DUXB: variants seen among roughly 807,000 people sequenced by gnomAD.
DUXB encodes the protein double homeobox B.
Under a neutral mutation model 8.9 loss-of-function variants are expected in DUXB, and 22 were observed. The observed-to-expected ratio is 2.46, with a 90% confidence interval of 1.76 to 3.52. DUXB has a LOEUF of 3.52. DUXB is among the 30% of genes most tolerant of loss of function. The probability of loss-of-function intolerance (pLI) is 0.00; values close to 1 mark genes in which losing one functional copy is unlikely to be tolerated. For synonymous variants in DUXB, 84 were observed against 37.6 expected, an observed-to-expected ratio of 2.23 and a Z score of -4.52; for missense variants, 237 against 108.7, an observed-to-expected ratio of 2.18 and a Z score of -5.25.
chr16:75,696,525 A>T (rs998884184), intron 3 of DUXB, among the ~76,000 whole-genome samples: 1 of 152,204 alleles, frequency 6.6e-6, no homozygotes, highest in Non-Finnish European at 1.5e-5. Context: ...CACTTCAGGC[A>T]ACAGAGTGAG....
intron 4 of DUXB, among the ~76,000 whole-genome samples, 157 bp from the exon 5 acceptor site, chr16:75,694,682 C>A (rs1027237022): frequency 1.3e-5 from 2 of 152,074 alleles, no homozygotes; most frequent in African/African-American, 2.4e-5. Context: ...CATCTGTATA[C>A]CCTGATTCAA....
At chr16:75,699,945 A>C in intron 2 of DUXB, 70 bp downstream of exon 2, 1 of 583,858 alleles carries the variant, frequency 1.7e-6, no homozygotes, top group Non-Finnish European at 3.0e-6. Context: ...AGAATTGGCA[A>C]AAGCGCTGGG....
chr16:75,699,121 C>G (rs1959197756), intron 2 of DUXB, among the ~76,000 whole-genome samples: 1 of 152,186 alleles, frequency 6.6e-6, no homozygotes, highest in Non-Finnish European at 1.5e-5. Context: ...GTTGGGATTA[C>G]AGGTGTGGGT....
chr16:75,694,702 G>A (rs989639204), intron 4 of DUXB, among the ~76,000 whole-genome samples, 177 bp from the exon 5 acceptor site: 1 of 152,054 alleles, frequency 6.6e-6, no homozygotes, highest in African/African-American at 2.4e-5. Context: ...AACAACCATG[G>A]ATTGAAAATA....
chr16:75,696,617 T>G (rs1002018632), intron 3 of DUXB, among the ~76,000 whole-genome samples: 1 of 152,120 alleles, frequency 6.6e-6, no homozygotes, highest in Non-Finnish European at 1.5e-5. Flanking sequence ...CCTGACTGTC[T>G]CATTCAATTG....
In DUXB at chr16:75,694,348, G is replaced by A; in HGVS notation, c.619C>T (p.His207Tyr). Residue 207 changes from histidine (H) to tyrosine (Y), a missense_variant, in exon 5 of 5, where the codon CAT becomes TAT. By Grantham distance (83) the His-to-Tyr change is moderately conservative. Transcript: ENST00000633875. ...YFSCSHSSSGHETLPPVLPST... is the reference protein window; with the variant it reads ...YFSCSHSSSGYETLPPVLPST... ...GGAAGAACAGGTGGAAGAGTTTCAT[G>A]CCCGCTGGAAGAATGTGAGCAAGAA... The A allele has an allele frequency of 4.6e-6, 3 of 647,202 alleles. No homozygotes were observed. The highest frequency in any genetic ancestry group is 8.3e-6 in the Non-Finnish European group (3 of 362,566). The allele number at this position is 647,202 out of a possible 1,614,324, so 40.1% of individuals were successfully genotyped here.
In DUXB at chr16:75,695,931, C is replaced by G. The variant is rs546138996; in HGVS notation, c.441+30G>C. ...CCAGGGGGCAGTATCACAGGCAGGA[C>G]ATAGTTGGGATCACACACATAGAAC... On this transcript the variant is annotated intron_variant, in intron 4 of 4. Transcript: ENST00000633875. 153 of 702,630 alleles carry G rather than the reference C, an allele frequency of 2.2e-4. 2 individuals are homozygous for G. In the South Asian group the frequency reaches 2.2e-3, roughly 10 times the overall value. The allele number at this position is 702,630 out of a possible 1,614,324, so 43.5% of individuals were successfully genotyped here.
chr16:75,697,272 G>A (rs59449831), intron 2 of DUXB, among the ~76,000 whole-genome samples: 14,353 of 152,144 alleles, frequency 0.094, 2,168 homozygotes, highest in East Asian at 0.64. Context: ...GCAGGACTTC[G>A]GTTTCTGAAT....
chr16:75,701,250 C>T (rs955600013), intron 1 of DUXB, 144 bp downstream of exon 1: 9 of 396,314 alleles, frequency 2.3e-5, no homozygotes, highest in African/African-American at 1.6e-4. Context: ...GCTGTTCTGA[C>T]ACAATTTATC....
intron 2 of DUXB, chr16:75,698,809 G>C (rs879283145): frequency 6.6e-6 from 1 of 152,206 alleles, no homozygotes; most frequent in Non-Finnish European, 1.5e-5. Context: ...GTAGCTGGGA[G>C]TACAGGTGCA....
chr16:75,694,130 G>A lies in DUXB; in HGVS notation c.837C>T (p.Tyr279=). 4.6e-6 allele frequency: 2 copies of A among 430,392 alleles called. No individual in the cohort carries two copies. Among genetic ancestry groups the A allele is most frequent in the Non-Finnish European group, 8.1e-6 (2 of 246,782 alleles). 26.7% of individuals were successfully genotyped at this position (430,392 alleles called of 1,614,324 possible). A position where few individuals can be genotyped will look rare whatever the true frequency, so the allele number is the denominator to read the frequency against. Residue 279 remains tyrosine, a synonymous_variant, in exon 5 of 5, where the codon TAC becomes TAT. Coordinates refer to ENST00000633875, the MANE Select transcript of DUXB (RefSeq NM_001351307.2). ...LDTPTPFWLQ[Y]QEEHQNHKEH... ...CTTTGTGATTTTGGTGTTCTTCTTG[G>A]TATTGGAGCCAGAAGGGAGTCGGAG...
intron 2 of DUXB, among the ~76,000 whole-genome samples, chr16:75,697,703 G>A (rs1446907072): frequency 1.3e-5 from 2 of 152,116 alleles, no homozygotes; most frequent in Non-Finnish European, 2.9e-5. Context: ...TAAAGCTGGC[G>A]TCCTCAACCC....
At chr16:75,697,170 T>C (rs182694127) in intron 2 of DUXB, among the ~76,000 whole-genome samples, 15 of 152,322 alleles carry the variant, frequency 9.8e-5, no homozygotes, top group African/African-American at 3.1e-4. Context: ...TGGTCATTTT[T>C]TGTGGCATCC....
intron 2 of DUXB, among the ~76,000 whole-genome samples, chr16:75,698,111 C>T (rs1385673813): frequency 6.6e-6 from 1 of 152,150 alleles, no homozygotes; most frequent in Non-Finnish European, 1.5e-5. Context: ...ATCTTAAGTA[C>T]AGATGGAAAC....
intron 4 of DUXB, among the ~76,000 whole-genome samples, chr16:75,695,268 A>G (rs1567521323): frequency 2.0e-5 from 3 of 152,236 alleles, no homozygotes; most frequent in Non-Finnish European, 4.4e-5. Context: ...GCAACAATGG[A>G]TCAGCAAAAA....
chr16:75,700,475 TC>T, intron 1 of DUXB, among the ~76,000 whole-genome samples: 1 of 152,104 alleles, frequency 6.6e-6, no homozygotes, highest in East Asian at 1.9e-4. Flanking sequence ...CAATTGATCC[TC>T]CTGTCCTGGC....
chr16:75,698,022 C>A (rs1469564094), intron 2 of DUXB, among the ~76,000 whole-genome samples: 2 of 152,042 alleles, frequency 1.3e-5, no homozygotes, highest in African/African-American at 4.8e-5. Flanking sequence ...TCTCTGGTAC[C>A]AAAAAAATTG....
At chr16:75,699,944 A>C (rs2151834211) in intron 2 of DUXB, 71 bp downstream of exon 2, 1 of 585,056 alleles carries the variant, frequency 1.7e-6, no homozygotes, top group African/African-American at 1.9e-5. Context: ...GAGAATTGGC[A>C]AAAGCGCTGG....
chr16:75,695,064 A>T (rs2082594608), intron 4 of DUXB, among the ~76,000 whole-genome samples: 1 of 152,210 alleles, frequency 6.6e-6, no homozygotes, highest in African/African-American at 2.4e-5. Flanking sequence ...AAGAAATCTT[A>T]TACATTTTGT....
Sources: gnomAD v4.1 joint callset for allele counts (sites outside exome capture counted in the v4.1 genomes callset) on GRCh38, gnomAD v4.1.1 for gene constraint, MANE v1.5 for transcripts, NCBI Gene and HGNC (gene_info 2026-07-23, HGNC 2026-07-21) for gene names.